KCNH8: variants seen among roughly 807,000 people sequenced by gnomAD.
KCNH8 encodes voltage-gated delayed rectifier potassium channel KCNH8.
A neutral mutation model predicts 103.6 loss-of-function variants in KCNH8; 70 were observed. That is an observed-to-expected ratio of 0.68 (90% CI 0.56 to 0.82). KCNH8 has a LOEUF of 0.82. Ranked by LOEUF, KCNH8 falls within the 40% of genes least tolerant of loss-of-function variation. The pLI, the probability that KCNH8 is intolerant of heterozygous loss-of-function variation, is 0.00. For missense variants in KCNH8, 1,217 were observed against 1,329.9 expected (o/e 0.92, Z 1.32); for synonymous variants, 498 against 489.4 (o/e 1.02, Z -0.23).
At chr3:19,254,062 T>C (rs1236464310) in intron 2 of KCNH8, among the ~76,000 whole-genome samples, 175 bp downstream of exon 2, 1 of 152,106 alleles carries the variant, frequency 6.6e-6, no homozygotes, top group Non-Finnish European at 1.5e-5. Context: ...ATAAGCAGCA[T>C]AAACTGCCTA....
In KCNH8 at chr3:19,148,809, T is replaced by G. The variant is rs770687363; in HGVS notation, c.76+14T>G. On this transcript the variant is annotated intron_variant, in intron 1 of 15. Transcript: ENST00000328405. ...TTGACGGAACACGTAAGTCTTACAC[T>G]TGAACGAGTGGTATGGCATTTTCTG... 1 of 1,610,254 alleles carries G rather than the reference T, an allele frequency of 6.2e-7. No individual in the cohort carries two copies. Among genetic ancestry groups the G allele is most frequent in the Non-Finnish European group, 8.5e-7 (1 of 1,176,440 alleles).
intron 3 of KCNH8, among the ~76,000 whole-genome samples, chr3:19,296,399 G>T (rs988705864): frequency 6.6e-6 from 1 of 152,212 alleles, no homozygotes; most frequent in African/African-American, 2.4e-5. Flanking sequence ...ATATTAACTA[G>T]AAAGCTGCTA....
At position 19,438,219 on chromosome 3, in the gene KCNH8, C is replaced by T; in HGVS notation, c.1233C>T (p.Thr411=). ...AATCTCCATACTATGGCAACAATAC[C>T]TTGGGGGGCCCGTCGATCCGAAGTG... is the stretch of plus-strand genomic sequence containing the variant. ...RLESPYYGNN[T]LGGPSIRSAY... is the part of the protein sequence containing the mutation. The change falls in exon 8 of 16, where the codon ACC becomes ACT. Residue 411 remains threonine (T), a synonymous_variant. Transcript: ENST00000328405. 5 of 1,614,040 alleles carry T rather than the reference C, an allele frequency of 3.1e-6. No individual in the cohort carries two copies. Among genetic ancestry groups the T allele is most frequent in the Non-Finnish European group, 4.2e-6 (5 of 1,179,990 alleles).
intron 7 of KCNH8, among the ~76,000 whole-genome samples, chr3:19,409,433 C>G (rs1015112466): frequency 3.9e-5 from 6 of 152,120 alleles, no homozygotes; most frequent in Non-Finnish European, 8.8e-5. Context: ...ATACAGCTCA[C>G]AGACCCCATA....
intron 11 of KCNH8, among the ~76,000 whole-genome samples, chr3:19,475,657 G>C (rs1439608628): frequency 6.6e-6 from 1 of 152,128 alleles, no homozygotes; most frequent in African/African-American, 2.4e-5. Flanking sequence ...AATAACTGGA[G>C]AATAATTTCT....
At chr3:19,285,584 T>C (rs1292922138) in intron 3 of KCNH8, among the ~76,000 whole-genome samples, 1 of 152,220 alleles carries the variant, frequency 6.6e-6, no homozygotes, top group African/African-American at 2.4e-5. Context: ...GAGTCTCTGC[T>C]TCATGCTAAG....
rs192358735 is a variant in KCNH8 at position 19,515,816 on chromosome 3, T to G, written c.2542+388T>G. Among the ~76,000 whole-genome samples, 130 of 152,160 alleles carry G rather than the reference T, an allele frequency of 8.5e-4. 2 individuals carry two copies. Among genetic ancestry groups the G allele is most frequent in the Admixed American group, 3.9e-3 (60 of 15,258 alleles). ...GGAACATTGGTTATATTTAACCAGT[T>G]TATTCAGTGTGAGGTTATATACTTG... On this transcript the variant is annotated intron_variant, in intron 14 of 15. Coordinates refer to ENST00000328405, the MANE Select transcript of KCNH8 (RefSeq NM_144633.3).
chr3:19,448,650 A>G (rs1334693447), intron 8 of KCNH8, among the ~76,000 whole-genome samples: 2 of 152,060 alleles, frequency 1.3e-5, no homozygotes, highest in Non-Finnish European at 2.9e-5. Context: ...ATTTGCACCA[A>G]TGTATCCATT....
intron 8 of KCNH8, among the ~76,000 whole-genome samples, chr3:19,449,272 C>G (rs1350505286): frequency 1.4e-5 from 2 of 142,292 alleles, no homozygotes; most frequent in Non-Finnish European, 3.0e-5. Flanking sequence ...GTTGACAAAC[C>G]TCATTGAAAC....
At chr3:19,176,586 C>G (rs1026641109) in intron 1 of KCNH8, among the ~76,000 whole-genome samples, 17 of 151,902 alleles carry the variant, frequency 1.1e-4, no homozygotes, top group African/African-American at 4.1e-4. Context: ...TATTTTCTTC[C>G]TTTAACTGAG....
chr3:19,419,200 T>TTTTG (rs2066910327), intron 7 of KCNH8, among the ~76,000 whole-genome samples: 1 of 133,940 alleles, frequency 7.5e-6, no homozygotes, highest in African/African-American at 3.0e-5. Flanking sequence ...TTTTGGTTTT[T>TTTTG]TTTTTTTTTT....
intron 11 of KCNH8, among the ~76,000 whole-genome samples, chr3:19,496,029 T>C (rs1261636874): frequency 6.6e-6 from 1 of 152,204 alleles, no homozygotes; most frequent in Non-Finnish European, 1.5e-5. Flanking sequence ...GGAAGGCTAC[T>C]GATTTTCTAC....
chr3:19,308,007 A>G (rs916655945), intron 3 of KCNH8, among the ~76,000 whole-genome samples: 1 of 151,892 alleles, frequency 6.6e-6, no homozygotes, highest in African/African-American at 2.4e-5. Context: ...ATAGTTAACA[A>G]TAGTATATTT....
intron 3 of KCNH8, among the ~76,000 whole-genome samples, chr3:19,294,460 G>T (rs1045980127): frequency 8.5e-5 from 13 of 152,188 alleles, no homozygotes; most frequent in African/African-American, 2.9e-4. Context: ...CCTGATGAGA[G>T]AATTATTATA....
intron 5 of KCNH8, among the ~76,000 whole-genome samples, chr3:19,361,132 G>A (rs955654123): frequency 3.3e-5 from 5 of 152,064 alleles, no homozygotes; most frequent in African/African-American, 1.2e-4. Flanking sequence ...GACCTGGAGT[G>A]AGATAGTGAT....
intron 5 of KCNH8, among the ~76,000 whole-genome samples, chr3:19,387,649 A>G (rs1412758289): frequency 6.6e-6 from 1 of 152,148 alleles, no homozygotes; most frequent in African/African-American, 2.4e-5. Context: ...TTATAAGTGT[A>G]TCATAGACCT....
At chr3:19,226,978 G>A (rs535251024) in intron 1 of KCNH8, among the ~76,000 whole-genome samples, 4 of 152,230 alleles carry the variant, frequency 2.6e-5, no homozygotes, top group South Asian at 2.1e-4. Context: ...TTTTGGAGCC[G>A]TGTCCCAAGT....
At chr3:19,256,904 A>G (rs891911657) in intron 2 of KCNH8, among the ~76,000 whole-genome samples, 1 of 152,098 alleles carries the variant, frequency 6.6e-6, no homozygotes, top group Non-Finnish European at 1.5e-5. Flanking sequence ...ACCTTAGGCT[A>G]ATCATACTGC....
intron 3 of KCNH8, among the ~76,000 whole-genome samples, chr3:19,305,462 C>G (rs181143591): frequency 1.5e-4 from 23 of 152,150 alleles, no homozygotes; most frequent in African/African-American, 5.5e-4. Flanking sequence ...GGAATGATGA[C>G]CAAGGGTCAG....
Sources: gnomAD v4.1 joint callset for allele counts (sites outside exome capture counted in the v4.1 genomes callset) on GRCh38, gnomAD v4.1.1 for gene constraint, MANE v1.5 for transcripts, NCBI Gene and HGNC (gene_info 2026-07-23, HGNC 2026-07-21) for gene names.